The following EML5 variants were observed in gnomAD, a reference collection of about 807,000 sequenced individuals.
EML5 encodes echinoderm microtubule-associated protein-like 5.
EML5 carries 120 observed loss-of-function variants against 250.0 expected under a neutral mutation model. The observed-to-expected ratio is 0.48, with a 90% CI of 0.41 to 0.56. The LOEUF (loss-of-function observed/expected upper bound fraction) is 0.56. EML5 is among the 20% of genes least tolerant of loss of function. EML5 has a pLI of 0.00. For synonymous variants in EML5, 771 were observed against 806.5 expected (o/e 0.96, Z 0.75); for missense variants, 2,006 against 2,437.6 (o/e 0.82, Z 3.73).
At chr14:88,671,790 C>A (rs796945511) in intron 21 of EML5, among the ~76,000 whole-genome samples, 1 of 151,984 alleles carries the variant, frequency 6.6e-6, no homozygotes, top group South Asian at 2.1e-4. Context: ...CAAAAAAGAT[C>A]AAAAAAGACA....
intron 11 of EML5, 124 bp from the exon 12 acceptor site, chr14:88,705,712 G>A (rs1279481472): frequency 1.4e-6 from 1 of 731,386 alleles, no homozygotes; most frequent in Non-Finnish European, 2.3e-6. Flanking sequence ...ACAATCAAAT[G>A]AAATTACCTA....
chr14:88,674,284 C>G (rs937525208), intron 21 of EML5, among the ~76,000 whole-genome samples: 6 of 152,002 alleles, frequency 3.9e-5, no homozygotes, highest in South Asian at 2.1e-4. Context: ...ACAACAACAA[C>G]AACAACAATA....
At chr14:88,696,521 G>T (rs2093082880) in intron 15 of EML5, among the ~76,000 whole-genome samples, 2 of 152,140 alleles carry the variant, frequency 1.3e-5, no homozygotes, top group Admixed American at 6.6e-5. Flanking sequence ...CGGTAAGTGA[G>T]ATCAGTGCCC....
intron 21 of EML5, 25 bp downstream of exon 21, chr14:88,681,865 A>T: frequency 6.3e-7 from 1 of 1,578,020 alleles, no homozygotes; most frequent in Non-Finnish European, 8.6e-7. Flanking sequence ...AGCTTAATCT[A>T]CGTTCAAGTG....
rs371162368 is a variant in EML5, at chr14:88,757,497, C to T, written c.198-2826G>A. ...TTAATCAAAATTAAAAACTTTTATGCTTCTAAGGACAATCATCAAGAACAT... is the reference window on the plus strand; with the variant it reads ...TTAATCAAAATTAAAAACTTTTATGTTTCTAAGGACAATCATCAAGAACAT... On this transcript the variant is annotated intron_variant, in intron 1 of 43. Transcript: ENST00000554922. Among the ~76,000 whole-genome samples, 41 of 151,512 alleles carry T rather than the reference C, an allele frequency of 2.7e-4. 1 individual carries two copies. Among genetic ancestry groups the T allele is most frequent in the African/African-American group, 9.4e-4 (39 of 41,372 alleles).
chr14:88,728,798 T>C (rs1468153801), intron 7 of EML5, among the ~76,000 whole-genome samples: 4 of 152,140 alleles, frequency 2.6e-5, no homozygotes, highest in Non-Finnish European at 5.9e-5. Flanking sequence ...CCACAGATTA[T>C]GGTATCTGCA....
At chr14:88,664,816 A>G (rs1474916162) in intron 22 of EML5, among the ~76,000 whole-genome samples, 192 bp from the exon 23 acceptor site, 1 of 152,226 alleles carries the variant, frequency 6.6e-6, no homozygotes, top group Non-Finnish European at 1.5e-5. Flanking sequence ...ATAATTTTTT[A>G]GTGTAACAAA....
intron 21 of EML5, among the ~76,000 whole-genome samples, chr14:88,671,730 G>T (rs1027033611): frequency 6.6e-6 from 1 of 151,870 alleles, no homozygotes; most frequent in Non-Finnish European, 1.5e-5. Context: ...ATGGAAAGCA[G>T]GAAAAAGCAG....
intron 10 of EML5, among the ~76,000 whole-genome samples, chr14:88,711,550 A>T (rs1209614286): frequency 6.6e-6 from 1 of 151,784 alleles, no homozygotes; most frequent in Non-Finnish European, 1.5e-5. Flanking sequence ...CTATCACAAC[A>T]GCAGCATAGA....
At chr14:88,709,590 T>C (rs528456841) in intron 10 of EML5, among the ~76,000 whole-genome samples, 3 of 152,294 alleles carry the variant, frequency 2.0e-5, no homozygotes, top group African/African-American at 7.2e-5. Flanking sequence ...TTAGAAAGTA[T>C]AGCAATATCA....
chr14:88,667,051 G>A (rs191070188), intron 21 of EML5, among the ~76,000 whole-genome samples: 14 of 152,180 alleles, frequency 9.2e-5, no homozygotes, highest in Admixed American at 4.6e-4. Flanking sequence ...GGTGAAAGGC[G>A]TCAAGGGCAT....
Position 88,712,465 on chromosome 14 carries a change from C to A in EML5, c.1463G>T (p.Ser488Ile). 1 of 1,611,578 alleles carries A rather than the reference C, an allele frequency of 6.2e-7. No homozygotes were observed. The highest frequency in any genetic ancestry group is 8.5e-7 in the Non-Finnish European group (1 of 1,178,450). The stretch of plus-strand genomic sequence containing the variant: ...ATGAACACCTTTTATTTCTTCTGTA[C>A]TTGTCACTTCCTTTCCTCCTAAAAA... ...YRMPGGKEVT[S>I]TEEIKGVHWA... is the part of the protein sequence containing the mutation. The change falls in exon 10 of 44, where the codon AGT (serine) becomes ATT (isoleucine). Residue 488 changes from serine to isoleucine, a missense_variant. Coordinates refer to ENST00000554922, the MANE Select transcript of EML5 (RefSeq NM_183387.3).
At chr14:88,781,891 G>A (rs2140782865) in intron 1 of EML5, among the ~76,000 whole-genome samples, 1 of 152,312 alleles carries the variant, frequency 6.6e-6, no homozygotes, top group South Asian at 2.1e-4. Flanking sequence ...TTTATTAGCA[G>A]TGTCAGAACG....
Position 88,792,720 on chromosome 14 carries a change from G to A in EML5, c.-217C>T. ...CGCCTCGCGGAACATGCTGAGGGCC[G>A]CGAGCGCCGCCGGCTGTCAAGTGGA... is the stretch of plus-strand genomic sequence containing the variant. On this transcript the variant is annotated 5_prime_UTR_variant, in exon 1 of 44. Transcript: ENST00000554922. The surrounding 1 kb of genome is among the most constrained non-coding windows in gnomAD (Gnocchi z 6.9). The A allele has an allele frequency of 9.1e-7, 1 of 1,095,870 alleles. No homozygotes were observed. The highest frequency in any genetic ancestry group is 5.3e-5 in the East Asian group (1 of 18,834). 67.9% of individuals were successfully genotyped at this position (1,095,870 alleles called of 1,614,324 possible).
chr14:88,752,339 T>C lies in EML5; in HGVS notation c.357+2173A>G, dbSNP rs187654024. On this transcript the variant is annotated intron_variant, in intron 2 of 43. Transcript: ENST00000554922. ...TGAATTTCATAACACCTTAAATAAG[T>C]GGTTTTTAAAAATAACTTTGTAGGT... Among the ~76,000 whole-genome samples the C allele has an allele frequency of 1.1e-3, 175 of 152,318 alleles. 2 individuals are homozygous for C. The highest frequency in any genetic ancestry group is 3.6e-3 in the African/African-American group (151 of 41,574).
intron 21 of EML5, among the ~76,000 whole-genome samples, chr14:88,678,109 C>A (rs1159375792): frequency 1.3e-5 from 2 of 152,042 alleles, no homozygotes; most frequent in African/African-American, 4.8e-5. Flanking sequence ...TACTATGCAG[C>A]CATAAAAAGT....
Position 88,627,790 on chromosome 14 carries a change from C to G in EML5, c.4387G>C (p.Ala1463Pro). 1 of 1,605,260 alleles carries G rather than the reference C, an allele frequency of 6.2e-7. No individual in the cohort carries two copies. The highest frequency in any genetic ancestry group is 8.5e-7 in the Non-Finnish European group (1 of 1,176,134). Reference sequence around the variant, plus strand: ...ATAGATAAAGTCTGCTTGTTCATTGCATCCCAGATGTGAATAGAAGGAGCT... The same window carrying G: ...ATAGATAAAGTCTGCTTGTTCATTGGATCCCAGATGTGAATAGAAGGAGCT... ...ATAPSIHIWD[A>P]MNKQTLSILR... is the part of the protein sequence containing the mutation. The change falls in exon 34 of 44, where the codon GCA (alanine) becomes CCA (proline). Residue 1463 changes from alanine to proline, a missense_variant. Coordinates refer to ENST00000554922, the MANE Select transcript of EML5 (RefSeq NM_183387.3).
At position 88,620,931 on chromosome 14, in the gene EML5, AT is replaced by A. The variant is rs773451401; in HGVS notation, c.5203-6del. On this transcript the variant is annotated splice_region_variant and splice_polypyrimidine_tract_variant and intron_variant, in intron 38 of 43. Transcript: ENST00000554922. The surrounding 1 kb of genome is among the most constrained non-coding windows in gnomAD (Gnocchi z 4.3). ...ATTCACTTTGTTTAACATCTTCTGCATTTAAAAAAAAAAAAAAAAAGAGTCA... is the reference window on the plus strand; with the variant it reads ...ATTCACTTTGTTTAACATCTTCTGCATTAAAAAAAAAAAAAAAAAGAGTCA... The A allele has an allele frequency of 6.3e-6, 9 of 1,422,596 alleles. No homozygotes were observed. In the East Asian group the frequency reaches 7.7e-5, roughly 12 times the overall value. 88.1% of individuals were successfully genotyped at this position (1,422,596 alleles called of 1,614,324 possible). A position where few individuals can be genotyped will look rare whatever the true frequency, so the allele number is the denominator to read the frequency against.
At chr14:88,653,964 G>A (rs2091756878) in intron 27 of EML5, among the ~76,000 whole-genome samples, 1 of 152,078 alleles carries the variant, frequency 6.6e-6, no homozygotes, top group South Asian at 2.1e-4. Context: ...CTCAATTCCA[G>A]ACTTTGTTAT....
Sources: allele counts gnomAD v4.1 joint callset (sites outside exome capture counted in the v4.1 genomes callset), GRCh38; gene constraint gnomAD v4.1.1; non-coding constraint Gnocchi (gnomAD v3.1); transcripts MANE v1.5; gene names NCBI Gene and HGNC (gene_info 2026-07-23, HGNC 2026-07-21).